Variants in THADA observed in about 807,000 individuals in gnomAD.
THADA encodes the protein tRNA (32-2'-O)-methyltransferase regulator THADA.
In THADA, 213 loss-of-function variants were observed where a neutral mutation model predicts 219.8. The ratio of observed to expected loss-of-function variants is 0.97; its 90% CI spans 0.87 to 1.09. The LOEUF is 1.09. Among genes scored for constraint, THADA ranks in the 50% least tolerant of loss-of-function variants. THADA has a pLI of 0.00. For missense variants in THADA, 2,956 were observed against 2,311.3 expected (o/e 1.28, Z -5.72); for synonymous variants, 1,018 against 828.9 (o/e 1.23, Z -3.92).
At chr2:43,497,507 A>G (rs1363516685) in intron 25 of THADA, among the ~76,000 whole-genome samples, 2 of 152,178 alleles carry the variant, frequency 1.3e-5, no homozygotes, top group African/African-American at 2.4e-5. Flanking sequence ...AGACACAGAA[A>G]GGGGAACAAC....
intron 36 of THADA, among the ~76,000 whole-genome samples, chr2:43,247,070 T>G (rs559847949): frequency 3.8e-4 from 58 of 152,292 alleles, no homozygotes; most frequent in African/African-American, 1.2e-3. Context: ...AAGAGGAGCA[T>G]TTGAGTCTTA....
chr2:43,286,550 G>C (rs567568419), intron 35 of THADA, among the ~76,000 whole-genome samples: 2 of 152,216 alleles, frequency 1.3e-5, no homozygotes, highest in South Asian at 4.1e-4. Context: ...AGACCAGCCT[G>C]GCCAATATGG....
At chr2:43,427,615 T>C (rs1199841901) in intron 28 of THADA, among the ~76,000 whole-genome samples, 5 of 148,622 alleles carry the variant, frequency 3.4e-5, no homozygotes, top group South Asian at 2.1e-4. Flanking sequence ...ATAATAGTTA[T>C]ATATATAATA....
intron 31 of THADA, among the ~76,000 whole-genome samples, chr2:43,310,672 G>A (rs1470629927): frequency 2.0e-5 from 3 of 152,092 alleles, no homozygotes; most frequent in Non-Finnish European, 4.4e-5. Flanking sequence ...TGTGACTTTG[G>A]ATTAGGCAAT....
At chr2:43,584,842 G>A (rs1047222038) in intron 7 of THADA, among the ~76,000 whole-genome samples, 1 of 152,216 alleles carries the variant, frequency 6.6e-6, no homozygotes, top group Non-Finnish European at 1.5e-5. Context: ...CTCCGAGCCA[G>A]CAGACAACTT....
At chr2:43,512,887 C>T (rs923590212) in intron 22 of THADA, among the ~76,000 whole-genome samples, 3 of 152,256 alleles carry the variant, frequency 2.0e-5, no homozygotes, top group Non-Finnish European at 2.9e-5. Context: ...ATGTCTATTA[C>T]ACGTCTGGTA....
At chr2:43,341,318 G>C (rs1667037938) in intron 30 of THADA, among the ~76,000 whole-genome samples, 1 of 152,176 alleles carries the variant, frequency 6.6e-6, no homozygotes, top group African/African-American at 2.4e-5. Context: ...TTGTCTTCTA[G>C]AGCTGGAAAA....
At chr2:43,515,457 C>T (rs950627021) in intron 22 of THADA, among the ~76,000 whole-genome samples, 12 of 124,806 alleles carry the variant, frequency 9.6e-5, no homozygotes, top group Non-Finnish European at 2.0e-4. Flanking sequence ...CTAACGAATT[C>T]GTGACTTAGA....
intron 26 of THADA, among the ~76,000 whole-genome samples, chr2:43,480,275 C>A (rs17030897): frequency 6.6e-6 from 1 of 152,186 alleles, no homozygotes; most frequent in African/African-American, 2.4e-5. Flanking sequence ...TATAAAGGGT[C>A]TGGCATGGCC....
chr2:43,244,458 C>A (rs574790819), intron 36 of THADA, among the ~76,000 whole-genome samples: 1 of 152,192 alleles, frequency 6.6e-6, no homozygotes, highest in Non-Finnish European at 1.5e-5. Flanking sequence ...TTCCATTATA[C>A]CCAGTTTTGT....
At chr2:43,399,585 T>C (rs1332037561) in intron 28 of THADA, among the ~76,000 whole-genome samples, 1 of 152,074 alleles carries the variant, frequency 6.6e-6, no homozygotes. Flanking sequence ...TGTGTCTTTT[T>C]CCCCCAAGAC....
chr2:43,398,157 C>G lies in THADA; in HGVS notation c.4059-18G>C. The G allele has an allele frequency of 6.2e-7, 1 of 1,611,604 alleles. No individual in the cohort carries two copies. Among genetic ancestry groups the G allele is most frequent in the Non-Finnish European group, 8.5e-7 (1 of 1,178,360 alleles). ...GACCACACCTGGGGAGAAATAAAAA[C>G]ACAAGACCATTCAATAGTCATCTCC... On this transcript the variant is annotated intron_variant, in intron 28 of 37. Transcript: ENST00000405975.
At chr2:43,255,967 G>C (rs926368168) in intron 36 of THADA, among the ~76,000 whole-genome samples, 1 of 152,134 alleles carries the variant, frequency 6.6e-6, no homozygotes, top group East Asian at 1.9e-4. Flanking sequence ...ACCTCAGCTC[G>C]GTCACAGACC....
Position 43,571,737 on chromosome 2 carries a change from C to T in THADA, c.2034G>A (p.Val678=), listed in dbSNP as rs1232705713. ...TAAGAAGAGAACAGATCTGTTGCCG[C>T]ACTCCTGGAGACTGGCTGTTAAGAT... ...TYNLNSQSPG[V]RQQICSLLKK... is the part of the protein sequence containing the mutation. Residue 678 remains valine, a synonymous_variant, in exon 13 of 38, where the codon GTG becomes GTA. Coordinates refer to ENST00000405975, the MANE Select transcript of THADA (RefSeq NM_022065.5). 1.2e-6 allele frequency: 2 copies of T among 1,613,610 alleles called. No homozygotes were observed. Among genetic ancestry groups the T allele is most frequent in the East Asian group, 2.2e-5 (1 of 44,896 alleles).
At chr2:43,393,808 G>GA (rs1673702106) in intron 29 of THADA, among the ~76,000 whole-genome samples, 1 of 151,536 alleles carries the variant, frequency 6.6e-6, no homozygotes. Flanking sequence ...GACAAGAAAT[G>GA]AAAAAACTGA....
intron 36 of THADA, among the ~76,000 whole-genome samples, chr2:43,269,702 C>T (rs1487992172): frequency 6.6e-6 from 1 of 152,222 alleles, no homozygotes; most frequent in Non-Finnish European, 1.5e-5. Context: ...AAACAGATAA[C>T]TGGCTCCCAC....
intron 22 of THADA, among the ~76,000 whole-genome samples, chr2:43,524,700 C>T (rs1352918026): frequency 6.6e-6 from 1 of 152,184 alleles, no homozygotes; most frequent in Non-Finnish European, 1.5e-5. Flanking sequence ...TGAAATGTCT[C>T]TAAAGGGATC....
In THADA at chr2:43,548,203, GCTGT is replaced by G. The variant is rs569969449; in HGVS notation, c.3106+1003_3106+1006del. 1.8e-3 allele frequency among the ~76,000 whole-genome samples: 279 copies of G among 152,318 alleles called. 3 individuals are homozygous for G. The highest frequency in any genetic ancestry group is 2.2e-3 in the Non-Finnish European group (150 of 68,036). Reference sequence around the variant, plus strand: ...CGGATTTTTGTGAACCGCGAATGCTGCTGTCTGATCGTTCCTCTGGAAGTTTTGT... The same window carrying G: ...CGGATTTTTGTGAACCGCGAATGCTGCTGATCGTTCCTCTGGAAGTTTTGT... On this transcript the variant is annotated intron_variant, in intron 20 of 37. Coordinates refer to ENST00000405975, the MANE Select transcript of THADA (RefSeq NM_022065.5).
rs1685993051 is a variant in THADA at position 43,479,959 on chromosome 2, G to C, written c.3836+5275C>G. On this transcript the variant is annotated intron_variant, in intron 26 of 37. Transcript: ENST00000405975. The stretch of plus-strand genomic sequence containing the variant: ...GCTAAAATCAACCTACTATGTGGGA[G>C]ATTTGAGATTATTGGTCAACATTCA... Among the ~76,000 whole-genome samples the C allele has an allele frequency of 2.6e-5, 4 of 152,230 alleles. No homozygotes were observed. In the South Asian group the frequency reaches 8.3e-4, roughly 31 times the overall value.
Sources: gnomAD v4.1 joint callset for allele counts (sites outside exome capture counted in the v4.1 genomes callset) on GRCh38, gnomAD v4.1.1 for gene constraint, MANE v1.5 for transcripts, NCBI Gene and HGNC (gene_info 2026-07-23, HGNC 2026-07-21) for gene names.